ADCY8: variants seen among roughly 807,000 people sequenced by gnomAD.
The protein encoded by ADCY8 is adenylate cyclase 8.
In ADCY8, 51 loss-of-function variants were observed where a neutral mutation model predicts 119.7. The ratio of observed to expected loss-of-function variants is 0.43; its 90% CI spans 0.34 to 0.54. ADCY8 has a LOEUF of 0.54. ADCY8 is among the 20% of genes least tolerant of loss of function. ADCY8 has a pLI of 0.03. For synonymous variants in ADCY8, 665 were observed against 651.0 expected (o/e 1.02, Z -0.33); for missense variants, 1,383 against 1,598.8 (o/e 0.87, Z 2.30).
chr8:131,000,535 C>A (rs1041451885), intron 1 of ADCY8, among the ~76,000 whole-genome samples: 1 of 152,132 alleles, frequency 6.6e-6, no homozygotes, highest in African/African-American at 2.4e-5. Context: ...TTCACAATAG[C>A]CCAATATGGT....
At chr8:130,984,116 A>G (rs567198104) in intron 2 of ADCY8, among the ~76,000 whole-genome samples, 3 of 147,410 alleles carry the variant, frequency 2.0e-5, no homozygotes, top group African/African-American at 5.3e-5. Context: ...CTCCCTGTGA[A>G]GAGGACAAGA....
chr8:130,996,268 G>A (rs1375540015), intron 1 of ADCY8, among the ~76,000 whole-genome samples: 3 of 151,976 alleles, frequency 2.0e-5, no homozygotes, highest in Admixed American at 6.6e-5. Flanking sequence ...GACTTAAGAT[G>A]ATTTACAGCT....
chr8:130,910,089 C>A (rs1819934088), intron 5 of ADCY8, among the ~76,000 whole-genome samples: 1 of 151,998 alleles, frequency 6.6e-6, no homozygotes, highest in Non-Finnish European at 1.5e-5. Context: ...CCCGCCTCGG[C>A]CTTGCAAAGT....
intron 5 of ADCY8, among the ~76,000 whole-genome samples, chr8:130,934,917 G>A (rs1028971833): frequency 7.2e-5 from 11 of 152,098 alleles, no homozygotes; most frequent in South Asian, 2.1e-4. Flanking sequence ...TACATCTCCC[G>A]ATTCCATTTT....
At chr8:130,784,371 C>G (rs1429912055) in intron 16 of ADCY8, among the ~76,000 whole-genome samples, 2 of 152,198 alleles carry the variant, frequency 1.3e-5, no homozygotes, top group Non-Finnish European at 1.5e-5. Context: ...CTCTGGGCCT[C>G]TCTGAACCTC....
intron 3 of ADCY8, among the ~76,000 whole-genome samples, chr8:130,947,377 ACT>A (rs1821136703): frequency 6.6e-6 from 1 of 152,166 alleles, no homozygotes; most frequent in African/African-American, 2.4e-5. Flanking sequence ...CATTAAAGCT[ACT>A]CTGTAGGACT....
chr8:130,909,955 TG>T lies in ADCY8; in HGVS notation c.1482-90del, dbSNP rs1466648703. 7 of 1,260,118 alleles carry T rather than the reference TG, an allele frequency of 5.6e-6. No individual in the cohort carries two copies. In the Admixed American group the frequency reaches 1.7e-4, roughly 30 times the overall value. The allele number at this position is 1,260,118 out of a possible 1,614,324, so 78.1% of individuals were successfully genotyped here. ...ACTTTCTTTTCTTTTTTTTTTTTTT[TG>T]AGACGGAGTTTTGCTCTGTCGCCCA... On this transcript the variant is annotated intron_variant, in intron 5 of 17. Coordinates refer to ENST00000286355, the MANE Select transcript of ADCY8 (RefSeq NM_001115.3).
rs552789503 is a variant in ADCY8, at chr8:130,920,734, G to GT, written c.1482-10869dup. ...CCAGGCTAGATGTTGCTGGGAAGGTGTTTTTTTAGGTGAGATGAACATTTA... is the reference window on the plus strand; with the variant it reads ...CCAGGCTAGATGTTGCTGGGAAGGTGTTTTTTTTAGGTGAGATGAACATTTA... On this transcript the variant is annotated intron_variant, in intron 5 of 17. Transcript: ENST00000286355. Among the ~76,000 whole-genome samples the GT allele has an allele frequency of 8.2e-4, 125 of 152,260 alleles. 1 individual carries two copies. Among genetic ancestry groups the GT allele is most frequent in the Non-Finnish European group, 1.4e-3 (93 of 68,012 alleles).
chr8:130,857,488 A>C (rs61462311), intron 9 of ADCY8, among the ~76,000 whole-genome samples: 1,915 of 152,268 alleles, frequency 0.013, 37 homozygotes, highest in African/African-American at 0.044. Context: ...CGAAAAACAC[A>C]TGCCTCTGAC....
At chr8:131,021,794 A>C (rs1362428426) in intron 1 of ADCY8, among the ~76,000 whole-genome samples, 3 of 152,178 alleles carry the variant, frequency 2.0e-5, no homozygotes, top group Non-Finnish European at 2.9e-5. Flanking sequence ...AGGCCTCCCC[A>C]GCGATGCTGA....
At chr8:130,829,453 AAAG>A (rs1816762702) in intron 12 of ADCY8, among the ~76,000 whole-genome samples, 1 of 152,208 alleles carries the variant, frequency 6.6e-6, no homozygotes, top group African/African-American at 2.4e-5. Context: ...CTGGCTTTGA[AAAG>A]AAGTTTATAA....
At chr8:130,922,666 C>T (rs925269083) in intron 5 of ADCY8, among the ~76,000 whole-genome samples, 1 of 152,148 alleles carries the variant, frequency 6.6e-6, no homozygotes, top group African/African-American at 2.4e-5. Context: ...ACCTTCCCCC[C>T]TTTCTATTCC....
intron 1 of ADCY8, among the ~76,000 whole-genome samples, chr8:131,002,780 T>A (rs1328783864): frequency 6.6e-6 from 1 of 151,854 alleles, no homozygotes; most frequent in Non-Finnish European, 1.5e-5. Context: ...ATTCCAAGAA[T>A]AATATCCTGA....
intron 1 of ADCY8, among the ~76,000 whole-genome samples, chr8:130,995,874 C>A (rs184382944): frequency 1.3e-5 from 2 of 152,244 alleles, no homozygotes; most frequent in African/African-American, 4.8e-5. Context: ...ATTGTGAGTT[C>A]TAATAATACA....
chr8:131,029,525 T>C (rs1823930624), intron 1 of ADCY8, among the ~76,000 whole-genome samples: 1 of 152,178 alleles, frequency 6.6e-6, no homozygotes, highest in South Asian at 2.1e-4. Context: ...AAGAGGGTGA[T>C]GTATTTGCTA....
intron 12 of ADCY8, among the ~76,000 whole-genome samples, chr8:130,823,533 G>A (rs1816582790): frequency 6.6e-6 from 1 of 152,114 alleles, no homozygotes; most frequent in Admixed American, 6.5e-5. Context: ...AAATCACTGA[G>A]TTAATACTGT....
chr8:130,916,695 A>G (rs1586568387), intron 5 of ADCY8, among the ~76,000 whole-genome samples: 1 of 152,368 alleles, frequency 6.6e-6, no homozygotes, highest in African/African-American at 2.4e-5. Flanking sequence ...TTAAGCCACA[A>G]ACAAAAGCAT....
chr8:130,918,152 A>G (rs936209270), intron 5 of ADCY8, among the ~76,000 whole-genome samples: 1 of 152,246 alleles, frequency 6.6e-6, no homozygotes, highest in Non-Finnish European at 1.5e-5. Context: ...GGCTGCCATA[A>G]CAAAATTTAT....
intron 1 of ADCY8, among the ~76,000 whole-genome samples, chr8:130,992,404 T>TG (rs1563759060): frequency 2.8e-4 from 9 of 32,030 alleles, no homozygotes; most frequent in African/African-American, 1.1e-3. Context: ...TATATATATA[T>TG]ATATATATAT....
Sources: gnomAD v4.1 joint callset for allele counts (sites outside exome capture counted in the v4.1 genomes callset) on GRCh38, gnomAD v4.1.1 for gene constraint, MANE v1.5 for transcripts, NCBI Gene and HGNC (gene_info 2026-07-23, HGNC 2026-07-21) for gene names.